Variants in MS4A8 observed in about 807,000 individuals in gnomAD.
The protein encoded by MS4A8 is membrane-spanning 4-domains subfamily A member 8.
MS4A8 carries 27 observed loss-of-function variants against 23.7 expected under a neutral mutation model. The observed-to-expected ratio is 1.14, with a 90% CI of 0.84 to 1.57. The LOEUF is 1.57. Among genes scored for constraint, MS4A8 ranks in the 40% most tolerant of loss-of-function variants. MS4A8 has a pLI of 0.00. For missense variants in MS4A8, 301 were observed against 311.4 expected, an observed-to-expected ratio of 0.97 and a Z score of 0.25; for synonymous variants, 138 against 126.3, an observed-to-expected ratio of 1.09 and a Z score of -0.62.
intron 5 of MS4A8, chr11:60,711,935 C>T (rs989989117): frequency 1.2e-5 from 5 of 406,968 alleles, no homozygotes; most frequent in African/African-American, 1.0e-4. Context: ...CGGACTGCAT[C>T]TGAGCTTTGC....
Position 60,701,519 on chromosome 11 carries a change from C to T in MS4A8, c.219+440C>T, listed in dbSNP as rs571279139. 8.6e-6 allele frequency: 3 copies of T among 348,676 alleles called. No homozygotes were observed. The East Asian group carries it at 2.2e-4, about 26-fold the overall frequency. The allele number at this position is 348,676 out of a possible 1,614,324, so 21.6% of individuals were successfully genotyped here. On this transcript the variant is annotated intron_variant, in intron 2 of 6. Coordinates refer to ENST00000300226, the MANE Select transcript of MS4A8 (RefSeq NM_031457.2). Reference sequence around the variant, plus strand: ...AATGGTCACCGCAACCCCTGAGAGGCTGTCCTGCGCTGGACAAAGAAAGGC... The same window carrying T: ...AATGGTCACCGCAACCCCTGAGAGGTTGTCCTGCGCTGGACAAAGAAAGGC...
At chr11:60,708,577 A>C in intron 4 of MS4A8, 73 bp from the exon 5 acceptor site, 4 of 1,429,032 alleles carry the variant, frequency 2.8e-6, no homozygotes, top group Non-Finnish European at 3.7e-6. Flanking sequence ...AAAAAGAAAC[A>C]CTTGTTGGGT....
At chr11:60,703,344 G>A (rs2134654576) in intron 2 of MS4A8, 34 bp from the exon 3 acceptor site, 2 of 1,502,678 alleles carry the variant, frequency 1.3e-6, no homozygotes, top group South Asian at 2.7e-5. Context: ...CCCAGCCTCA[G>A]AAACAAGACT....
chr11:60,703,153 A>G (rs2088220001), intron 2 of MS4A8: 4 of 380,776 alleles, frequency 1.1e-5, no homozygotes, highest in Non-Finnish European at 1.8e-5. Context: ...TTGTGCTATC[A>G]AGGTATATAT....
rs767109802 is a variant in MS4A8, at chr11:60,700,952, C to A, written c.92C>A (p.Ser31Tyr). Residue 31 changes from serine to tyrosine, a missense_variant, in exon 2 of 7, where the codon TCT becomes TAT. Ser to Tyr is a moderately radical substitution (Grantham distance 144). Transcript: ENST00000300226. Reference protein sequence around the residue: ...NGYPVTPGIMSHVPLYPNSQP... With the variant: ...NGYPVTPGIMYHVPLYPNSQP... ...TATCCTGTGACCCCAGGAATTATGTCTCACGTGCCCCTGTATCCAAACAGC... is the reference window on the plus strand; with the variant it reads ...TATCCTGTGACCCCAGGAATTATGTATCACGTGCCCCTGTATCCAAACAGC... The A allele has an allele frequency of 6.2e-7, 1 of 1,614,176 alleles. No homozygotes were observed. Among genetic ancestry groups the A allele is most frequent in the South Asian group, 1.1e-5 (1 of 91,078 alleles).
At chr11:60,704,894 A>T (rs666009) in intron 3 of MS4A8, among the ~76,000 whole-genome samples, 5,866 of 144,198 alleles carry the variant, frequency 0.041, 166 homozygotes, top group Middle Eastern at 0.094. Flanking sequence ...ACACACACAC[A>T]CTCTCTCTCT....
Position 60,705,694 on chromosome 11 carries a change from G to A in MS4A8, c.343-1294G>A, listed in dbSNP as rs76250187. Among the ~76,000 whole-genome samples, 1,011 of 152,318 alleles carry A rather than the reference G, an allele frequency of 6.6e-3. 8 individuals are homozygous for A. Among genetic ancestry groups the A allele is most frequent in the Middle Eastern group, 0.01 (3 of 294 alleles). On this transcript the variant is annotated intron_variant, in intron 3 of 6. Coordinates refer to ENST00000300226, the MANE Select transcript of MS4A8 (RefSeq NM_031457.2). ...TTGGCCTTGGAAGGCAGAAACAGCTGGAATAAGTTTTCACTGTAAATAACT... is the reference window on the plus strand; with the variant it reads ...TTGGCCTTGGAAGGCAGAAACAGCTAGAATAAGTTTTCACTGTAAATAACT...
Position 60,715,715 on chromosome 11 carries a change from C to T in MS4A8, c.*301C>T, listed in dbSNP as rs1404772771. The T allele has an allele frequency of 8.0e-6, 3 of 374,140 alleles. No homozygotes were observed. The highest frequency in any genetic ancestry group is 1.5e-5 in the Non-Finnish European group (3 of 203,712). 23.2% of individuals were successfully genotyped at this position (374,140 alleles called of 1,614,324 possible). ...ACACACACATTCGTGTGCTCTGCTG[C>T]ATGTGAGCTTGTGGGTTAGAGGAAC... On this transcript the variant is annotated 3_prime_UTR_variant, in exon 7 of 7. Coordinates refer to ENST00000300226, the MANE Select transcript of MS4A8 (RefSeq NM_031457.2).
intron 5 of MS4A8, chr11:60,711,934 T>C (rs935830586): frequency 4.9e-6 from 2 of 411,832 alleles, no homozygotes; most frequent in Admixed American, 5.5e-5. Context: ...TCGGACTGCA[T>C]CTGAGCTTTG....
chr11:60,714,543 A>G (rs1334978370), intron 5 of MS4A8, among the ~76,000 whole-genome samples: 3 of 152,174 alleles, frequency 2.0e-5, no homozygotes, highest in African/African-American at 7.2e-5. Flanking sequence ...AAGATAAGAC[A>G]TCCTTGCTTT....
intron 4 of MS4A8, 65 bp from the exon 5 acceptor site, chr11:60,708,585 G>T (rs1049372578): frequency 9.7e-6 from 14 of 1,442,870 alleles, no homozygotes; most frequent in African/African-American, 4.3e-5. Flanking sequence ...ACACTTGTTG[G>T]GTCTCCATTC....
chr11:60,702,076 C>T (rs1225861834), intron 2 of MS4A8, among the ~76,000 whole-genome samples: 5 of 152,306 alleles, frequency 3.3e-5, no homozygotes, highest in South Asian at 2.1e-4. Flanking sequence ...AATATACAAA[C>T]ATACACAGAT....
intron 3 of MS4A8, 79 bp downstream of exon 3, chr11:60,703,579 G>C: frequency 6.5e-7 from 1 of 1,532,292 alleles, no homozygotes; most frequent in African/African-American, 1.4e-5. Context: ...AAGTTGTGCA[G>C]CTGTGCCCTG....
At chr11:60,712,780 A>G (rs921933430) in intron 5 of MS4A8, among the ~76,000 whole-genome samples, 7 of 151,786 alleles carry the variant, frequency 4.6e-5, no homozygotes, top group South Asian at 2.1e-4. Flanking sequence ...TGGCAGAGCA[A>G]CACTCTGTCT....
At chr11:60,701,437 A>C in intron 2 of MS4A8, 2 of 400,070 alleles carry the variant, frequency 5.0e-6, no homozygotes, top group Non-Finnish European at 9.7e-6. Flanking sequence ...ATCCAATAAG[A>C]TCGAATCAAA....
At position 60,715,671 on chromosome 11, in the gene MS4A8, C is replaced by T. The variant is rs2088338182; in HGVS notation, c.*257C>T. ...ATGCATCAGCACATATGTGGGCATC[C>T]AGCCTCTGGGGCCTTGGCACACACA... On this transcript the variant is annotated 3_prime_UTR_variant, in exon 7 of 7. Coordinates refer to ENST00000300226, the MANE Select transcript of MS4A8 (RefSeq NM_031457.2). The T allele has an allele frequency of 2.1e-6, 1 of 466,952 alleles. No homozygotes were observed. Among genetic ancestry groups the T allele is most frequent in the South Asian group, 2.5e-5 (1 of 40,328 alleles). The allele number at this position is 466,952 out of a possible 1,614,324, so 28.9% of individuals were successfully genotyped here.
intron 5 of MS4A8, chr11:60,712,238 C>G: frequency 1.4e-6 from 1 of 737,652 alleles, no homozygotes; most frequent in Admixed American, 6.3e-5. Flanking sequence ...CCTCTCCCTC[C>G]TCAGTGCTCT....
intron 3 of MS4A8, 117 bp from the exon 4 acceptor site, chr11:60,706,866 TGCCCA>T: frequency 2.5e-6 from 2 of 793,774 alleles, no homozygotes; most frequent in Admixed American, 3.8e-5. Context: ...TTTTTTCTGT[TGCCCA>T]TGTTGAGCTG....
At chr11:60,707,812 C>CTTTTTTTTTTTTTTTTTTTTT (rs5792195) in intron 4 of MS4A8, among the ~76,000 whole-genome samples, 5 of 55,142 alleles carry the variant, frequency 9.1e-5, no homozygotes, top group South Asian at 8.9e-4. Context: ...TTTTCTTTTT[C>CTTTTTTTTTTTTTTTTTTTTT]TTTTTTTTTT....
Sources: allele counts gnomAD v4.1 joint callset (sites outside exome capture counted in the v4.1 genomes callset), GRCh38; gene constraint gnomAD v4.1.1; transcripts MANE v1.5; gene names NCBI Gene and HGNC (gene_info 2026-07-23, HGNC 2026-07-21).